The following MAML3 variants were observed in gnomAD, a reference collection of about 807,000 sequenced individuals.
MAML3 encodes mastermind-like protein 3.
Under a neutral mutation model 101.9 loss-of-function variants are expected in MAML3, and 27 were observed. The ratio of observed to expected loss-of-function variants is 0.27; its 90% CI spans 0.20 to 0.37. MAML3 has a LOEUF of 0.37. MAML3 is among the 10% of genes least tolerant of loss of function. The probability of loss-of-function intolerance (pLI) is 1.00; values close to 1 mark genes in which losing one functional copy is unlikely to be tolerated. For missense variants in MAML3, 1,316 were observed against 1,444.9 expected, an observed-to-expected ratio of 0.91 and a Z score of 1.45; for synonymous variants, 501 against 555.9, an observed-to-expected ratio of 0.90 and a Z score of 1.39.
chr4:139,986,575 A>C (rs1232336733), intron 1 of MAML3, among the ~76,000 whole-genome samples: 1 of 152,128 alleles, frequency 6.6e-6, no homozygotes, highest in East Asian at 1.9e-4. Context: ...CTCAAGTCTT[A>C]CAATTAATAT....
At chr4:139,991,388 T>C (rs778882353) in intron 1 of MAML3, among the ~76,000 whole-genome samples, 20 of 152,142 alleles carry the variant, frequency 1.3e-4, no homozygotes, top group Non-Finnish European at 2.8e-4. Flanking sequence ...TTACACCTTA[T>C]ACAAAAATTA....
intron 1 of MAML3, among the ~76,000 whole-genome samples, chr4:140,126,718 T>C (rs180831019): frequency 3.3e-4 from 51 of 152,284 alleles, no homozygotes; most frequent in African/African-American, 1.0e-3. Context: ...TCCAAATGAC[T>C]ACCAGACATC....
intron 1 of MAML3, among the ~76,000 whole-genome samples, chr4:139,927,125 T>C (rs1037344240): frequency 6.6e-6 from 1 of 150,912 alleles, no homozygotes; most frequent in Non-Finnish European, 1.5e-5. Flanking sequence ...GGTTTCACTG[T>C]GTCACCCAGG....
chr4:139,996,477 G>A (rs1734816456), intron 1 of MAML3, among the ~76,000 whole-genome samples: 1 of 151,900 alleles, frequency 6.6e-6, no homozygotes, highest in South Asian at 2.1e-4. Context: ...TACATAGTTG[G>A]TGTATATTCT....
intron 1 of MAML3, among the ~76,000 whole-genome samples, chr4:140,041,156 C>T: frequency 6.6e-6 from 1 of 152,074 alleles, no homozygotes; most frequent in Non-Finnish European, 1.5e-5. Context: ...CAAATGCATA[C>T]AGAGGTATCT....
intron 1 of MAML3, among the ~76,000 whole-genome samples, chr4:139,951,772 T>A (rs1252435889): frequency 6.6e-6 from 1 of 151,136 alleles, no homozygotes; most frequent in African/African-American, 2.4e-5. Context: ...GAAAGTTTGG[T>A]AAGCAAAAAA....
chr4:139,829,016 AGGAAGGAC>A (rs764346861), intron 2 of MAML3, among the ~76,000 whole-genome samples: 2,757 of 132,754 alleles, frequency 0.021, 54 homozygotes, highest in African/African-American at 0.056. Flanking sequence ...GAAGGAAGGA[AGGAAGGAC>A]GGACGGACGG....
chr4:139,914,076 T>C (rs943088282), intron 1 of MAML3, among the ~76,000 whole-genome samples: 1 of 152,186 alleles, frequency 6.6e-6, no homozygotes, highest in African/African-American at 2.4e-5. Flanking sequence ...TCCTCGTATA[T>C]ATATTTTTAA....
chr4:139,966,682 T>G (rs904889465), intron 1 of MAML3, among the ~76,000 whole-genome samples: 6 of 152,212 alleles, frequency 3.9e-5, no homozygotes, highest in African/African-American at 1.4e-4. Context: ...AGTGATCAGT[T>G]ACAGAGCAAA....
intron 2 of MAML3, among the ~76,000 whole-genome samples, chr4:139,751,218 A>C (rs530523568): frequency 6.6e-6 from 1 of 152,332 alleles, no homozygotes; most frequent in South Asian, 2.1e-4. Flanking sequence ...ATTTTCTAGG[A>C]GACTACTATG....
intron 2 of MAML3, among the ~76,000 whole-genome samples, chr4:139,804,876 TAAC>T (rs2111106542): frequency 6.6e-6 from 1 of 152,096 alleles, no homozygotes; most frequent in South Asian, 2.1e-4. Flanking sequence ...TACTCACAAA[TAAC>T]AATTAATTTA....
chr4:139,896,065 C>T (rs559456245), intron 1 of MAML3, among the ~76,000 whole-genome samples: 1 of 152,298 alleles, frequency 6.6e-6, no homozygotes, highest in South Asian at 2.1e-4. Context: ...TCATCCTTTG[C>T]TATATGGAAA....
chr4:140,092,090 A>G (rs995010613), intron 1 of MAML3, among the ~76,000 whole-genome samples: 5 of 66,862 alleles, frequency 7.5e-5, no homozygotes, highest in East Asian at 6.4e-4. Context: ...ATATATACGT[A>G]TATATATATA....
At chr4:140,132,607 C>T (rs747513240) in intron 1 of MAML3, among the ~76,000 whole-genome samples, 4 of 152,174 alleles carry the variant, frequency 2.6e-5, no homozygotes, top group Non-Finnish European at 5.9e-5. Context: ...TGAGAGTTGG[C>T]GACCACTTTA....
At chr4:140,150,370 C>T (rs183814176) in intron 1 of MAML3, among the ~76,000 whole-genome samples, 1 of 152,282 alleles carries the variant, frequency 6.6e-6, no homozygotes, top group Non-Finnish European at 1.5e-5. Context: ...ACAAACCAGG[C>T]GCGCGCACCC....
At chr4:139,764,138 A>G (rs1729807638) in intron 2 of MAML3, among the ~76,000 whole-genome samples, 1 of 152,248 alleles carries the variant, frequency 6.6e-6, no homozygotes, top group Admixed American at 6.5e-5. Context: ...TTATTTTTTA[A>G]TAACACGAGA....
chr4:140,074,197 A>G (rs200272684), intron 1 of MAML3, among the ~76,000 whole-genome samples: 13 of 89,148 alleles, frequency 1.5e-4, no homozygotes, highest in South Asian at 7.7e-4. Context: ...GAGAGAAAGA[A>G]AGAGAAAGAA....
chr4:140,057,347 G>GA (rs1162110238), intron 1 of MAML3, among the ~76,000 whole-genome samples: 1 of 152,082 alleles, frequency 6.6e-6, no homozygotes, highest in Non-Finnish European at 1.5e-5. Flanking sequence ...TGAAATTACA[G>GA]AAAGAAGACA....
chr4:139,841,809 T>C (rs1731367313), intron 2 of MAML3, among the ~76,000 whole-genome samples: 1 of 152,250 alleles, frequency 6.6e-6, no homozygotes, highest in African/African-American at 2.4e-5. Context: ...CCCATTAGCA[T>C]AATGAAAAGG....
Sources: gnomAD v4.1 joint callset for allele counts (sites outside exome capture counted in the v4.1 genomes callset) on GRCh38, gnomAD v4.1.1 for gene constraint, MANE v1.5 for transcripts, NCBI Gene and HGNC (gene_info 2026-07-23, HGNC 2026-07-21) for gene names.